Variants in LYPD3 observed in about 807,000 individuals in gnomAD.
LYPD3 encodes ly6/PLAUR domain-containing protein 3.
Under a neutral mutation model 21.7 loss-of-function variants are expected in LYPD3, and 22 were observed. The ratio of observed to expected loss-of-function variants is 1.01; its 90% CI spans 0.72 to 1.45. LYPD3 has a LOEUF of 1.45. Among genes scored for constraint, LYPD3 ranks in the 40% most tolerant of loss-of-function variants. The probability of loss-of-function intolerance (pLI) is 0.00; values close to 1 mark genes in which losing one functional copy is unlikely to be tolerated. For synonymous variants in LYPD3, 179 were observed against 203.0 expected (o/e 0.88, Z 1.00); for missense variants, 471 against 466.9 (o/e 1.01, Z -0.08).
chr19:43,463,523 T>C (rs773930283), intron 3 of LYPD3, 76 bp downstream of exon 3: 135 of 1,508,726 alleles, frequency 8.9e-5, no homozygotes, highest in Non-Finnish European at 1.1e-4. Context: ...CTCCCGCCTC[T>C]GCCACGGCTC....
chr19:43,464,589 T>C, intron 1 of LYPD3, 133 bp from the exon 2 acceptor site: 1 of 1,190,044 alleles, frequency 8.4e-7, no homozygotes, highest in South Asian at 1.4e-5. Context: ...AGGGCAGGAG[T>C]AGGGAAAAGC....
In LYPD3 at chr19:43,461,310, C is replaced by A; in HGVS notation, c.*41G>T. ...GTGATGAGAAGAGGGGTACCCAGGG[C>A]CAGAGAAGTAGGTGAGAGGGAAATT... On this transcript the variant is annotated 3_prime_UTR_variant, in exon 5 of 5. Transcript: ENST00000244333. The A allele has an allele frequency of 6.5e-7, 1 of 1,530,702 alleles. No individual in the cohort carries two copies. The allele number at this position is 1,530,702 out of a possible 1,614,324, so 94.8% of individuals were successfully genotyped here.
In LYPD3 at chr19:43,461,189, C is replaced by T. The variant is rs1970771980; in HGVS notation, c.*162G>A. On this transcript the variant is annotated 3_prime_UTR_variant, in exon 5 of 5. Coordinates refer to ENST00000244333, the MANE Select transcript of LYPD3 (RefSeq NM_014400.3). Reference sequence around the variant, plus strand: ...AATATATACAACGGTATTTTATTTCCCAAAGCCGCAAACCAGCGCAGCAGA... The same window carrying T: ...AATATATACAACGGTATTTTATTTCTCAAAGCCGCAAACCAGCGCAGCAGA... The T allele has an allele frequency of 5.9e-6, 5 of 849,830 alleles. No individual in the cohort carries two copies. The Admixed American group carries it at 8.8e-5, about 15-fold the overall frequency. The allele number at this position is 849,830 out of a possible 1,614,324, so 52.6% of individuals were successfully genotyped here.
At position 43,464,310 on chromosome 19, in the gene LYPD3, G is replaced by A; in HGVS notation, c.211+15C>T. 1 of 1,593,746 alleles carries A rather than the reference G, an allele frequency of 6.3e-7. No individual in the cohort carries two copies. The highest frequency in any genetic ancestry group is 8.5e-7 in the Non-Finnish European group (1 of 1,171,202). Reference sequence around the variant, plus strand: ...AGCCTGCAGTGGTGTGCGTGGCCCGGGGGTCCCCACTCACTGGTCTCCACC... The same window carrying A: ...AGCCTGCAGTGGTGTGCGTGGCCCGAGGGTCCCCACTCACTGGTCTCCACC... On this transcript the variant is annotated intron_variant, in intron 2 of 4. Transcript: ENST00000244333.
At chr19:43,465,462 C>A (rs756862333) in intron 1 of LYPD3, 31 bp downstream of exon 1, 2 of 1,603,978 alleles carry the variant, frequency 1.2e-6, no homozygotes, top group Non-Finnish European at 1.7e-6. Flanking sequence ...CCCCACTCTA[C>A]CCCCTCCACC....
In LYPD3 at chr19:43,463,764, C is replaced by T. The variant is rs367798614; in HGVS notation, c.217G>A (p.Gly73Arg). 12 of 1,612,766 alleles carry T rather than the reference C, an allele frequency of 7.4e-6. No individual in the cohort carries two copies. Among genetic ancestry groups the T allele is most frequent in the Non-Finnish European group, 9.3e-6 (11 of 1,179,966 alleles). Reference protein sequence around the residue: ...EAVGAVETIHGQFSLAVRGCG... With the variant: ...EAVGAVETIHRQFSLAVRGCG... ...CCCCGCACTGCCAGCGAGAATTGTC[C>T]GTGGACTAGGGAGAGGGACAAGGGC... The change falls in exon 3 of 5, where the codon GGA (glycine) becomes AGA (arginine). Residue 73 changes from glycine (G) to arginine (R), a missense_variant. Transcript: ENST00000244333.
Position 43,465,489 on chromosome 19 carries a change from C to T in LYPD3, c.79+4G>A, listed in dbSNP as rs1275930022. The T allele has an allele frequency of 1.2e-6, 2 of 1,608,830 alleles. No individual in the cohort carries two copies. The highest frequency in any genetic ancestry group is 2.2e-5 in the South Asian group (2 of 91,084). On this transcript the variant is annotated splice_donor_region_variant and intron_variant, in intron 1 of 4. Coordinates refer to ENST00000244333, the MANE Select transcript of LYPD3 (RefSeq NM_014400.3). ...CCCTCCACCTCTCCGGGCAGCAGACCCACCTCCGCGAAGCAGCAGCAGCAG... is the reference window on the plus strand; with the variant it reads ...CCCTCCACCTCTCCGGGCAGCAGACTCACCTCCGCGAAGCAGCAGCAGCAG...
chr19:43,462,116 T>A (rs980833706), intron 4 of LYPD3, among the ~76,000 whole-genome samples: 16 of 152,032 alleles, frequency 1.1e-4, no homozygotes, highest in African/African-American at 3.9e-4. Context: ...TCAACTCAGG[T>A]CCTACTATGA....
At chr19:43,463,801 T>C (rs1320614680) in intron 2 of LYPD3, 32 bp from the exon 3 acceptor site, 1 of 1,607,656 alleles carries the variant, frequency 6.2e-7, no homozygotes, top group Non-Finnish European at 8.5e-7. Context: ...GGATTAGCTG[T>C]GGGCGTGGTC....
chr19:43,464,232 G>A (rs1970801865), intron 2 of LYPD3, 93 bp downstream of exon 2: 1 of 1,479,424 alleles, frequency 6.8e-7, no homozygotes, highest in Non-Finnish European at 9.0e-7. Flanking sequence ...CCGCGTTAAA[G>A]GGGCGTGGCC....
chr19:43,463,687 C>T lies in LYPD3; in HGVS notation c.294G>A (p.Gly98=), dbSNP rs1354403931. Residue 98 remains glycine, a synonymous_variant, in exon 3 of 5, where the codon GGG becomes GGA. Transcript: ENST00000244333. ...GCTGCAGCTGGATGAACGCCAGAAGCCCGTGAAGATCCAGGCCGCGGTCAT... is the reference window on the plus strand; with the variant it reads ...GCTGCAGCTGGATGAACGCCAGAAGTCCGTGAAGATCCAGGCCGCGGTCAT... ...GKNDRGLDLH[G]LLAFIQLQQC... The T allele has an allele frequency of 1.9e-6, 3 of 1,612,098 alleles. No homozygotes were observed. Among genetic ancestry groups the T allele is most frequent in the South Asian group, 1.1e-5 (1 of 91,082 alleles).
rs775066822 is a variant in LYPD3, at chr19:43,461,555, A to G, written c.837T>C (p.Thr279=). ...CCTCGTGTTCTACTCCCTGTCTCGGAGTCTGACTGGTTGGCGCTGGCATGG... is the reference window on the plus strand; with the variant it reads ...CCTCGTGTTCTACTCCCTGTCTCGGGGTCTGACTGGTTGGCGCTGGCATGG... ...TKPMPAPTSQ[T]PRQGVEHEAS... Residue 279 remains threonine, a synonymous_variant, in exon 5 of 5, where the codon ACT becomes ACC. Coordinates refer to ENST00000244333, the MANE Select transcript of LYPD3 (RefSeq NM_014400.3). 35 of 1,613,848 alleles carry G rather than the reference A, an allele frequency of 2.2e-5. 2 individuals carry two copies. The South Asian group carries it at 3.7e-4, about 17-fold the overall frequency.
Position 43,461,696 on chromosome 19 carries a change from G to A in LYPD3, c.696C>T (p.Ser232=), listed in dbSNP as rs1053080763. 36 of 1,614,036 alleles carry A rather than the reference G, an allele frequency of 2.2e-5. No homozygotes were observed. The highest frequency in any genetic ancestry group is 3.0e-5 in the Non-Finnish European group (35 of 1,180,030). ...NSDLRNKTYF[S]PRIPPLVRLP... Reference sequence around the variant, plus strand: ...GCCGGACAAGGGGTGGGATTCGAGGGGAGAAGTAGGTCTTGTTGCGGAGGT... The same window carrying A: ...GCCGGACAAGGGGTGGGATTCGAGGAGAGAAGTAGGTCTTGTTGCGGAGGT... The change falls in exon 5 of 5, where the codon TCC becomes TCT. Residue 232 remains serine (S), a synonymous_variant. Transcript: ENST00000244333.
chr19:43,463,893 C>A, intron 2 of LYPD3, 124 bp from the exon 3 acceptor site: 1 of 978,590 alleles, frequency 1.0e-6, no homozygotes, highest in Non-Finnish European at 1.6e-6. Flanking sequence ...GACCGACAGG[C>A]AGGAATTGGC....
chr19:43,465,309 C>G (rs1417969205), intron 1 of LYPD3, among the ~76,000 whole-genome samples, 184 bp downstream of exon 1: 3 of 152,186 alleles, frequency 2.0e-5, no homozygotes, highest in African/African-American at 7.2e-5. Context: ...GGGAACCCTT[C>G]CTACGGCCCA....
intron 2 of LYPD3, chr19:43,463,983 G>A: frequency 1.6e-6 from 1 of 630,688 alleles, no homozygotes; most frequent in Non-Finnish European, 2.8e-6. Flanking sequence ...AACGGGGGCG[G>A]AACCTCAAAG....
At position 43,463,723 on chromosome 19, in the gene LYPD3, G is replaced by T. The variant is rs144282686; in HGVS notation, c.258C>A (p.Leu86=). Residue 86 remains leucine, a synonymous_variant, in exon 3 of 5, where the codon CTC becomes CTA. Coordinates refer to ENST00000244333, the MANE Select transcript of LYPD3 (RefSeq NM_014400.3). The part of the protein sequence containing the change: ...SLAVRGCGSG[L]PGKNDRGLDL... ...CCAGGCCGCGGTCATTCTTGCCGGG[G>T]AGTCCCGAACCGCAACCCCGCACTG... 6.2e-7 allele frequency: 1 copy of T among 1,613,300 alleles called. No homozygotes were observed. Among genetic ancestry groups the T allele is most frequent in the Non-Finnish European group, 8.5e-7 (1 of 1,180,034 alleles).
At position 43,464,406 on chromosome 19, in the gene LYPD3, A is replaced by G. The variant is rs1377946656; in HGVS notation, c.130T>C (p.Cys44Arg). Residue 44 changes from cysteine (C) to arginine (R), a missense_variant, in exon 2 of 5, where the codon TGC becomes CGC. By Grantham distance (180) the Cys-to-Arg change is radical. Transcript: ENST00000244333. Reference sequence around the variant, plus strand: ...ACTGTCTTCATCTTGTTCGGGGAGCATCCGTCATCTGCTTTCTGCACGCAG... The same window carrying G: ...ACTGTCTTCATCTTGTTCGGGGAGCGTCCGTCATCTGCTTTCTGCACGCAG... ...YSCVQKADDG[C>R]SPNKMKTVKC... The G allele has an allele frequency of 6.2e-7, 1 of 1,614,116 alleles. No individual in the cohort carries two copies.
intron 3 of LYPD3, 125 bp from the exon 4 acceptor site, chr19:43,463,412 C>A (rs753125430): frequency 5.1e-6 from 7 of 1,376,114 alleles, no homozygotes; most frequent in Non-Finnish European, 7.0e-6. Context: ...AGTAGCCCCG[C>A]CCCAGCGCGC....
Sources: allele counts gnomAD v4.1 joint callset (sites outside exome capture counted in the v4.1 genomes callset), GRCh38; gene constraint gnomAD v4.1.1; transcripts MANE v1.5; gene names NCBI Gene and HGNC (gene_info 2026-07-23, HGNC 2026-07-21).